Variants in ALPL observed in about 807,000 individuals in gnomAD.
ALPL encodes alkaline phosphatase, biomineralization associated, also known as alkaline phosphatase, tissue-nonspecific isozyme.
ALPL carries 42 observed loss-of-function variants against 51.3 expected under a neutral mutation model. The observed-to-expected ratio is 0.82, with a 90% CI of 0.64 to 1.06. ALPL has a LOEUF of 1.06. Ranked by LOEUF, ALPL falls within the 50% of genes least tolerant of loss-of-function variation. The probability of loss-of-function intolerance (pLI) is 0.00; values close to 1 mark genes in which losing one functional copy is unlikely to be tolerated. For missense variants in ALPL, 589 were observed against 709.4 expected (o/e 0.83, Z 1.93); for synonymous variants, 279 against 296.4 (o/e 0.94, Z 0.60).
chr1:21,510,482 T>C (rs529387846), intron 1 of ALPL, among the ~76,000 whole-genome samples: 2 of 152,092 alleles, frequency 1.3e-5, no homozygotes, highest in East Asian at 3.9e-4. Context: ...AGGGGTTGGG[T>C]CCCAGCCTCA....
At chr1:21,542,732 G>T (rs1340408305) in intron 1 of ALPL, among the ~76,000 whole-genome samples, 1 of 152,172 alleles carries the variant, frequency 6.6e-6, no homozygotes, top group Non-Finnish European at 1.5e-5. Context: ...CAGCTACTAG[G>T]GAGGCTAAGG....
Position 21,509,680 on chromosome 1 carries a change from A to G in ALPL, c.-105+163A>G, listed in dbSNP as rs1031853911. ...AGCAGCCCATTCGGGACGCCCTGCAATTGGTCCTGCCCCTGTCCTCCCGCG... is the reference window on the plus strand; with the variant it reads ...AGCAGCCCATTCGGGACGCCCTGCAGTTGGTCCTGCCCCTGTCCTCCCGCG... On this transcript the variant is annotated intron_variant, in intron 1 of 11. Transcript: ENST00000374840. This position sits in a 1 kb window ranked among gnomAD's most constrained non-coding sequence, Gnocchi z 6.0. 6.6e-6 allele frequency among the ~76,000 whole-genome samples: 1 copy of G among 152,038 alleles called. No homozygotes were observed. The highest frequency in any genetic ancestry group is 1.5e-5 in the Non-Finnish European group (1 of 67,978).
chr1:21,577,378 C>T lies in ALPL; in HGVS notation c.1310-5C>T, dbSNP rs755472353. ...CTCTCAGCAGGTGTTTCCCCTGGCC[C>T]ACAGCTCACAACAACTACCAGGCGC... On this transcript the variant is annotated splice_polypyrimidine_tract_variant and splice_region_variant and intron_variant, in intron 11 of 11. Transcript: ENST00000374840. 3.7e-6 allele frequency: 6 copies of T among 1,613,264 alleles called. No individual in the cohort carries two copies. Among genetic ancestry groups the T allele is most frequent in the African/African-American group, 1.3e-5 (1 of 75,062 alleles).
intron 8 of ALPL, among the ~76,000 whole-genome samples, chr1:21,572,109 G>A (rs529268238): frequency 5.1e-4 from 77 of 152,370 alleles, no homozygotes; most frequent in Non-Finnish European, 9.6e-4. Flanking sequence ...CTATGATCAT[G>A]CCACTGCACC....
chr1:21,524,340 G>T (rs1643915131), intron 1 of ALPL, among the ~76,000 whole-genome samples: 2 of 152,074 alleles, frequency 1.3e-5, no homozygotes, highest in South Asian at 4.1e-4. Context: ...GGAAGCACAG[G>T]CTGGGAGTGG....
chr1:21,535,349 C>T (rs1413577436), intron 1 of ALPL, among the ~76,000 whole-genome samples: 1 of 152,106 alleles, frequency 6.6e-6, no homozygotes, highest in Non-Finnish European at 1.5e-5. Flanking sequence ...GGTGTGGGGC[C>T]TCACCCGGGA....
chr1:21,542,991 T>A (rs1178852698), intron 1 of ALPL, among the ~76,000 whole-genome samples: 1 of 151,792 alleles, frequency 6.6e-6, no homozygotes, highest in Non-Finnish European at 1.5e-5. Context: ...ACCTCTATTT[T>A]AAAAATGTAA....
intron 1 of ALPL, among the ~76,000 whole-genome samples, chr1:21,551,731 T>TTTTTTTTTTG (rs1558541761): frequency 3.9e-5 from 5 of 128,986 alleles, no homozygotes; most frequent in Admixed American, 7.6e-5. Flanking sequence ...TTTTTTTTTT[T>TTTTTTTTTTG]TTTTTTTTTT....
chr1:21,576,149 G>A (rs1414332550), intron 10 of ALPL, among the ~76,000 whole-genome samples: 6 of 152,032 alleles, frequency 3.9e-5, no homozygotes, highest in East Asian at 1.9e-4. Flanking sequence ...GGATGGCCAC[G>A]TTGACCATGG....
chr1:21,577,678 G>C lies in ALPL; in HGVS notation c.*30G>C. On this transcript the variant is annotated 3_prime_UTR_variant, in exon 12 of 12. Transcript: ENST00000374840. ...CCAGGGCCCGGGCACCCACAAGCCC[G>C]TGACAGATGCCAACTTCCCACACGG... is the stretch of plus-strand genomic sequence containing the variant. 2.5e-6 allele frequency: 4 copies of C among 1,586,820 alleles called. No homozygotes were observed. Among genetic ancestry groups the C allele is most frequent in the Non-Finnish European group, 3.4e-6 (4 of 1,174,032 alleles).
At position 21,530,753 on chromosome 1, in the gene ALPL, A is replaced by G. The variant is rs367976606; in HGVS notation, c.-105+21236A>G. ...GTCCCCTCCCAATTCCTGCAGTTCCACATTGTTTGCTGGCAAGCTTTGAAT... is the reference window on the plus strand; with the variant it reads ...GTCCCCTCCCAATTCCTGCAGTTCCGCATTGTTTGCTGGCAAGCTTTGAAT... On this transcript the variant is annotated intron_variant, in intron 1 of 11. Transcript: ENST00000374840. Among the ~76,000 whole-genome samples, 5 of 148,556 alleles carry G rather than the reference A, an allele frequency of 3.4e-5. No homozygotes were observed. In the East Asian group the frequency reaches 7.9e-4, roughly 23 times the overall value.
intron 2 of ALPL, 123 bp from the exon 3 acceptor site, chr1:21,560,503 C>T (rs1644467779): frequency 2.3e-6 from 3 of 1,313,108 alleles, no homozygotes; most frequent in East Asian, 4.7e-5. Context: ...GGGTGGGCAA[C>T]TATTGCACCC....
chr1:21,564,217 G>T lies in ALPL; in HGVS notation c.648+1G>T. ...CATGCATAACATCAGGGACATTGAC[G>T]TGAGTGCTCGGGGGCAGCCGGGCAG... On this transcript the variant is annotated splice_donor_variant, in intron 6 of 11. Coordinates refer to ENST00000374840, the MANE Select transcript of ALPL (RefSeq NM_000478.6). LOFTEE classifies it high-confidence loss of function. The surrounding 1 kb of genome is among the most constrained non-coding windows in gnomAD (Gnocchi z 5.8). 1.2e-6 allele frequency: 2 copies of T among 1,613,536 alleles called. No individual in the cohort carries two copies. Among genetic ancestry groups the T allele is most frequent in the Non-Finnish European group, 1.7e-6 (2 of 1,179,916 alleles).
rs1644627242 is a variant in ALPL at position 21,570,287 on chromosome 1, C to T, written c.793-18C>T. On this transcript the variant is annotated intron_variant, in intron 7 of 11. Transcript: ENST00000374840. ...CTCCCTAGCCCCCGGCATGTGCTGA[C>T]ACAGCCCTTCCTCCTAGCACTCCCA... 1 of 1,613,728 alleles carries T rather than the reference C, an allele frequency of 6.2e-7. No individual in the cohort carries two copies. Among genetic ancestry groups the T allele is most frequent in the Admixed American group, 1.7e-5 (1 of 59,998 alleles).
chr1:21,541,059 G>A lies in ALPL; in HGVS notation c.-104-12919G>A, dbSNP rs1311284749. ...GGTTCTAGAGTCTCAGAGCTGGAAG[G>A]ACTGTCTGCAGCCATCCAGGTGAAC... On this transcript the variant is annotated intron_variant, in intron 1 of 11. Coordinates refer to ENST00000374840, the MANE Select transcript of ALPL (RefSeq NM_000478.6). Among the ~76,000 whole-genome samples, 6 of 152,322 alleles carry A rather than the reference G, an allele frequency of 3.9e-5. No individual in the cohort carries two copies. The East Asian group carries it at 1.2e-3, about 29-fold the overall frequency.
At chr1:21,572,878 C>A (rs1044310050) in intron 8 of ALPL, among the ~76,000 whole-genome samples, 1 of 152,008 alleles carries the variant, frequency 6.6e-6, no homozygotes, top group African/African-American at 2.4e-5. Flanking sequence ...CACAGGCCAC[C>A]GTGCCCTTCA....
chr1:21,527,640 C>T (rs1486897352), intron 1 of ALPL, among the ~76,000 whole-genome samples: 1 of 151,302 alleles, frequency 6.6e-6, no homozygotes, highest in African/African-American at 2.4e-5. Flanking sequence ...AGCTCTGCCT[C>T]CTGGGTTTAG....
At chr1:21,566,506 G>A (rs1451061809) in intron 6 of ALPL, among the ~76,000 whole-genome samples, 1 of 152,090 alleles carries the variant, frequency 6.6e-6, no homozygotes, top group Non-Finnish European at 1.5e-5. Context: ...GGCCAGGCTG[G>A]TCTCAAACTC....
At chr1:21,518,067 G>C (rs934900594) in intron 1 of ALPL, among the ~76,000 whole-genome samples, 2 of 152,064 alleles carry the variant, frequency 1.3e-5, no homozygotes, top group Non-Finnish European at 2.9e-5. Flanking sequence ...CTTGTCTTTG[G>C]AGGAACTAAG....
Sources: allele counts gnomAD v4.1 joint callset (sites outside exome capture counted in the v4.1 genomes callset), GRCh38; gene constraint gnomAD v4.1.1; non-coding constraint Gnocchi (gnomAD v3.1); transcripts MANE v1.5; gene names NCBI Gene and HGNC (gene_info 2026-07-23, HGNC 2026-07-21).